The following CTNNA2 variants were observed in gnomAD, a reference collection of about 807,000 sequenced individuals.
CTNNA2 encodes the protein catenin alpha-2.
A neutral mutation model predicts 101.0 loss-of-function variants in CTNNA2; 42 were observed. The ratio of observed to expected loss-of-function variants is 0.42; its 90% confidence interval spans 0.32 to 0.54. The LOEUF (loss-of-function observed/expected upper bound fraction) is 0.54, where lower values mean the gene tolerates loss of function less well. Ranked by LOEUF, CTNNA2 falls within the 20% of genes least tolerant of loss-of-function variation. The pLI is 0.14. For synonymous variants in CTNNA2, 450 were observed against 456.4 expected (o/e 0.99, Z 0.18); for missense variants, 871 against 1,223.1 (o/e 0.71, Z 4.29).
chr2:79,587,147 T>C (rs1676549014), intron 1 of CTNNA2, among the ~76,000 whole-genome samples: 1 of 152,222 alleles, frequency 6.6e-6, no homozygotes, highest in Admixed American at 6.5e-5. Flanking sequence ...CGTGTGTCTT[T>C]TTTATGTAAT....
chr2:79,705,452 G>GA (rs140092583), intron 2 of CTNNA2, among the ~76,000 whole-genome samples: 5 of 151,548 alleles, frequency 3.3e-5, no homozygotes, highest in African/African-American at 4.8e-5. Flanking sequence ...GTATGTATAG[G>GA]AAAAAAAACA....
chr2:80,215,954 A>G (rs1708239785), intron 7 of CTNNA2, among the ~76,000 whole-genome samples: 1 of 152,172 alleles, frequency 6.6e-6, no homozygotes, highest in South Asian at 2.1e-4. Flanking sequence ...CTCAAGCCTC[A>G]GCAATGGCAG....
rs986632977 is a variant in CTNNA2 at position 80,474,557 on chromosome 2, A to C, written c.1290+54956A>C. ...ATTCCAACATAGCTTATACTGTTAC[A>C]TACCTACATTTTCCTACCATAAATT... is the stretch of plus-strand genomic sequence containing the variant. On this transcript the variant is annotated intron_variant, in intron 9 of 18. Transcript: ENST00000402739. Among the ~76,000 whole-genome samples, 4 of 152,214 alleles carry C rather than the reference A, an allele frequency of 2.6e-5. No individual in the cohort carries two copies. In the East Asian group the frequency reaches 7.7e-4, roughly 29 times the overall value.
At chr2:79,786,035 G>C (rs975053) in intron 3 of CTNNA2, among the ~76,000 whole-genome samples, 23,952 of 152,090 alleles carry the variant, frequency 0.16, 3,169 homozygotes, top group East Asian at 0.38. Context: ...GTTAAGGGTG[G>C]TCTTGCATAT....
chr2:79,267,064 G>A (rs1249515130), intron 2 of CTNNA2, among the ~76,000 whole-genome samples: 1 of 152,050 alleles, frequency 6.6e-6, no homozygotes, highest in Non-Finnish European at 1.5e-5. Context: ...AAGCGGGGCA[G>A]GGGTGCACTT....
chr2:80,329,449 G>T (rs1291605816), intron 7 of CTNNA2, among the ~76,000 whole-genome samples: 1 of 152,148 alleles, frequency 6.6e-6, no homozygotes, highest in Non-Finnish European at 1.5e-5. Context: ...GAATGGAAAG[G>T]TTGTATAGAT....
At chr2:79,338,590 T>C (rs1174605989) in intron 3 of CTNNA2, among the ~76,000 whole-genome samples, 46 of 137,164 alleles carry the variant, frequency 3.4e-4, no homozygotes, top group South Asian at 9.8e-4. Flanking sequence ...CTTCTTCTTC[T>C]TCTTCTTCTT....
chr2:80,637,590 G>GCTCTCTC (rs1482310375), intron 18 of CTNNA2, among the ~76,000 whole-genome samples: 1 of 152,124 alleles, frequency 6.6e-6, no homozygotes, highest in Non-Finnish European at 1.5e-5. Flanking sequence ...GAATCTCTCT[G>GCTCTCTC]CTCTCTCCTC....
rs1428728978 is a variant in CTNNA2, at chr2:79,476,301, A to C, written c.-134-28753A>C. Among the ~76,000 whole-genome samples, 4 of 152,214 alleles carry C rather than the reference A, an allele frequency of 2.6e-5. No individual in the cohort carries two copies. In the South Asian group the frequency reaches 8.3e-4, roughly 32 times the overall value. On this transcript the variant is annotated intron_variant, in intron 4 of 21. Coordinates refer to the CTNNA2 transcript ENST00000466387. ...AGGTAGAGCCAGCATCCTGGAGTATAGGCACAGTATCTCCTCAGGTTCAGA... is the reference window on the plus strand; with the variant it reads ...AGGTAGAGCCAGCATCCTGGAGTATCGGCACAGTATCTCCTCAGGTTCAGA...
chr2:79,277,759 A>G (rs1474031767), intron 2 of CTNNA2, among the ~76,000 whole-genome samples: 1 of 152,104 alleles, frequency 6.6e-6, no homozygotes, highest in East Asian at 1.9e-4. Context: ...AAGAATGGGA[A>G]AAAGTGGCGA....
intron 9 of CTNNA2, among the ~76,000 whole-genome samples, chr2:80,437,326 G>A (rs1402183872): frequency 6.6e-6 from 1 of 152,208 alleles, no homozygotes; most frequent in African/African-American, 2.4e-5. Flanking sequence ...TATAAGATCA[G>A]GCCTTAGGGA....
At chr2:80,070,585 T>A (rs190571479) in intron 7 of CTNNA2, among the ~76,000 whole-genome samples, 2 of 151,988 alleles carry the variant, frequency 1.3e-5, no homozygotes, top group Admixed American at 1.3e-4. Flanking sequence ...GGTGTGGTGG[T>A]GTGTACTTGT....
chr2:80,218,858 C>G (rs1326059097), intron 7 of CTNNA2, among the ~76,000 whole-genome samples: 1 of 152,062 alleles, frequency 6.6e-6, no homozygotes, highest in Non-Finnish European at 1.5e-5. Context: ...TTATTTAATG[C>G]TTAGAATTAT....
intron 3 of CTNNA2, among the ~76,000 whole-genome samples, chr2:79,753,366 C>G (rs1271631037): frequency 1.3e-5 from 2 of 152,166 alleles, no homozygotes; most frequent in African/African-American, 4.8e-5. Context: ...TGATAGGCAT[C>G]CTTTCTCAAA....
In CTNNA2 at chr2:79,994,080, G is replaced by C. The variant is rs1043935762; in HGVS notation, c.1056+84283G>C. On this transcript the variant is annotated intron_variant, in intron 7 of 18. Transcript: ENST00000402739. The stretch of plus-strand genomic sequence containing the variant: ...GCACCACCACACCTAGCTATTTTGG[G>C]GTTTTTTTACTTGTGTTTTAGAGAC... Among the ~76,000 whole-genome samples the C allele has an allele frequency of 3.3e-5, 5 of 151,778 alleles. 1 individual carries two copies. In the South Asian group the frequency reaches 1.0e-3, roughly 32 times the overall value.
chr2:80,175,940 C>T (rs1358742012), intron 7 of CTNNA2, among the ~76,000 whole-genome samples: 1 of 152,202 alleles, frequency 6.6e-6, no homozygotes, highest in African/African-American at 2.4e-5. Flanking sequence ...CCAGTCTTAT[C>T]CTTCCACATT....
Position 79,686,265 on chromosome 2 carries a change from G to C in CTNNA2, c.102+34607G>C, listed in dbSNP as rs567249921. Among the ~76,000 whole-genome samples the C allele has an allele frequency of 5.3e-5, 8 of 152,256 alleles. No homozygotes were observed. The South Asian group carries it at 8.3e-4, about 16-fold the overall frequency. On this transcript the variant is annotated intron_variant, in intron 2 of 18. Transcript: ENST00000402739. Reference sequence around the variant, plus strand: ...CTAAAGGCAAGAAGGATTTGTTCAAGGGTTCAACTCAGGAGAAGGATGGAT... The same window carrying C: ...CTAAAGGCAAGAAGGATTTGTTCAACGGTTCAACTCAGGAGAAGGATGGAT...
intron 7 of CTNNA2, among the ~76,000 whole-genome samples, chr2:80,030,843 G>A (rs1198079246): frequency 6.6e-6 from 1 of 151,918 alleles, no homozygotes; most frequent in Non-Finnish European, 1.5e-5. Context: ...AATGTAAAAG[G>A]AAATCCAGAG....
At chr2:79,293,755 A>G (rs1045846582) in intron 2 of CTNNA2, among the ~76,000 whole-genome samples, 11 of 152,166 alleles carry the variant, frequency 7.2e-5, no homozygotes, top group African/African-American at 2.7e-4. Flanking sequence ...GAATAGGGAG[A>G]AACAGGAATG....
Sources: allele counts gnomAD v4.1 joint callset (sites outside exome capture counted in the v4.1 genomes callset), GRCh38; gene constraint gnomAD v4.1.1; transcripts MANE v1.5; gene names NCBI Gene and HGNC (gene_info 2026-07-23, HGNC 2026-07-21).